The following COL22A1 variants were observed in gnomAD, a reference collection of about 807,000 sequenced individuals.
COL22A1 encodes the protein collagen alpha-1(XXII) chain.
A neutral mutation model predicts 248.9 loss-of-function variants in COL22A1; 221 were observed. The ratio of observed to expected loss-of-function variants is 0.89; its 90% CI spans 0.80 to 0.99. The LOEUF is 0.99. COL22A1 is among the 50% of genes least tolerant of loss of function. The pLI is 0.00. For synonymous variants in COL22A1, 891 were observed against 793.4 expected, an observed-to-expected ratio of 1.12 and a Z score of -2.07; for missense variants, 2,240 against 2,179.0, an observed-to-expected ratio of 1.03 and a Z score of -0.56.
intron 17 of COL22A1, among the ~76,000 whole-genome samples, chr8:138,760,834 C>T (rs1833420038): frequency 6.6e-6 from 1 of 152,156 alleles, no homozygotes; most frequent in South Asian, 2.1e-4. Context: ...AAGCTTTCCA[C>T]CAGCGGCCAA....
chr8:138,861,028 T>C (rs1307053596), intron 3 of COL22A1, among the ~76,000 whole-genome samples: 1 of 152,110 alleles, frequency 6.6e-6, no homozygotes, highest in Admixed American at 6.6e-5. Flanking sequence ...TCCCCAGATT[T>C]GCTCAGCTCC....
rs773956039 is a variant in COL22A1, at chr8:138,700,195, G to GA, written c.2560-52_2560-51insT. On this transcript the variant is annotated intron_variant, in intron 31 of 64. Transcript: ENST00000303045. ...AAAGATGGGCATCAAGGAACCCAGTGTTTCATTTTTAAAACCTGCCTTGGA... is the reference window on the plus strand; with the variant it reads ...AAAGATGGGCATCAAGGAACCCAGTGATTTCATTTTTAAAACCTGCCTTGGA... The GA allele has an allele frequency of 6.3e-6, 10 of 1,586,208 alleles. No homozygotes were observed. The Admixed American group carries it at 6.8e-5, about 11-fold the overall frequency.
chr8:138,901,369 G>GTTTTT (rs1396582556), intron 1 of COL22A1, among the ~76,000 whole-genome samples: 2,406 of 118,660 alleles, frequency 0.02, 112 homozygotes, highest in Admixed American at 0.046. Context: ...TTTTTTTTTT[G>GTTTTT]TTTTTTTTTT....
At chr8:138,801,795 G>A (rs143523310) in intron 11 of COL22A1, among the ~76,000 whole-genome samples, 52 of 152,208 alleles carry the variant, frequency 3.4e-4, no homozygotes, top group African/African-American at 1.1e-3. Context: ...CAGGAGAAGC[G>A]CTTGAACTTG....
intron 60 of COL22A1, 122 bp from the exon 61 acceptor site, chr8:138,599,020 G>A: frequency 2.0e-6 from 2 of 988,518 alleles, no homozygotes; most frequent in Non-Finnish European, 3.1e-6. Context: ...TTGGCCCTGG[G>A]TGGCCCATGT....
intron 25 of COL22A1, among the ~76,000 whole-genome samples, chr8:138,723,454 G>A (rs1358228110): frequency 6.6e-6 from 1 of 152,176 alleles, no homozygotes; most frequent in Non-Finnish European, 1.5e-5. Context: ...ACCTTCTGTG[G>A]CTACAGCTGC....
At chr8:138,634,572 A>G (rs1386923180) in intron 49 of COL22A1, among the ~76,000 whole-genome samples, 1 of 152,208 alleles carries the variant, frequency 6.6e-6, no homozygotes, top group African/African-American at 2.4e-5. Context: ...CTACTGTAAA[A>G]GCAGAGAGAA....
At chr8:138,844,914 C>T (rs1177664848) in intron 3 of COL22A1, among the ~76,000 whole-genome samples, 1 of 143,600 alleles carries the variant, frequency 7.0e-6, no homozygotes, top group African/African-American at 2.6e-5. Context: ...CACGTGGCTG[C>T]ACTCCAGCCA....
chr8:138,606,718 A>T (rs187953983), intron 57 of COL22A1, among the ~76,000 whole-genome samples: 1 of 152,294 alleles, frequency 6.6e-6, no homozygotes, highest in East Asian at 1.9e-4. Flanking sequence ...AAACTGAGAC[A>T]GATATTTAAC....
chr8:138,785,815 C>G (rs1045888514), intron 12 of COL22A1, among the ~76,000 whole-genome samples: 2 of 152,216 alleles, frequency 1.3e-5, no homozygotes, highest in African/African-American at 4.8e-5. Flanking sequence ...AGGACTTAAG[C>G]ACCTCTGCAT....
intron 11 of COL22A1, among the ~76,000 whole-genome samples, chr8:138,799,786 T>G (rs1816847675): frequency 6.6e-6 from 1 of 152,214 alleles, no homozygotes; most frequent in African/African-American, 2.4e-5. Flanking sequence ...TCAAACTGAA[T>G]CAGGTCCCCT....
chr8:138,733,413 G>A (rs987208916), intron 23 of COL22A1, among the ~76,000 whole-genome samples: 2 of 152,232 alleles, frequency 1.3e-5, no homozygotes, highest in South Asian at 4.1e-4. Flanking sequence ...AGATGGCAGT[G>A]CTGGCTCTTC....
chr8:138,727,163 G>A (rs1303117056), intron 23 of COL22A1, among the ~76,000 whole-genome samples: 3 of 152,104 alleles, frequency 2.0e-5, no homozygotes, highest in African/African-American at 7.2e-5. Context: ...TCTTCCAAGC[G>A]AGTTCACCAC....
In COL22A1 at chr8:138,778,100, G is replaced by A. The variant is rs567417447; in HGVS notation, c.1758+253C>T. 5.4e-6 allele frequency: 3 copies of A among 556,506 alleles called. No individual in the cohort carries two copies. The African/African-American group carries it at 5.7e-5, about 11-fold the overall frequency. The allele number at this position is 556,506 out of a possible 1,614,324, so 34.5% of individuals were successfully genotyped here. Reference sequence around the variant, plus strand: ...GTGCTGGTTAAAAATGCAGATTCCTGGGATCTACCCTGCTTCTTGATGTGA... The same window carrying A: ...GTGCTGGTTAAAAATGCAGATTCCTAGGATCTACCCTGCTTCTTGATGTGA... On this transcript the variant is annotated intron_variant, in intron 15 of 64. Coordinates refer to ENST00000303045, the MANE Select transcript of COL22A1 (RefSeq NM_152888.3).
At chr8:138,628,302 A>G (rs1820414627) in intron 50 of COL22A1, among the ~76,000 whole-genome samples, 1 of 150,618 alleles carries the variant, frequency 6.6e-6, no homozygotes, top group Admixed American at 6.6e-5. Context: ...AATTACTTCT[A>G]TTGGCTGGGC....
Position 138,751,451 on chromosome 8 carries a change from T to C in COL22A1, c.2085+7A>G, listed in dbSNP as rs1586650331. 3 of 1,606,592 alleles carry C rather than the reference T, an allele frequency of 1.9e-6. No homozygotes were observed. ...GAGGAATCACAAAGAAAAGAGAGTT[T>C]ACTTACTCGGAGACCTTGCAAACCA... On this transcript the variant is annotated splice_region_variant and intron_variant, in intron 22 of 64. Coordinates refer to ENST00000303045, the MANE Select transcript of COL22A1 (RefSeq NM_152888.3).
In COL22A1 at chr8:138,589,288, G is replaced by T; in HGVS notation, c.4846C>A (p.Leu1616Ile). ...TTCACATTACCCGGCCGGGCAGCAA[G>T]GCTGGCGAAGTAGGCACACTGGGAA... Reference protein sequence around the residue: ...DPSQCAYFASLAARPGNVKGP With the variant: ...DPSQCAYFASIAARPGNVKGP The change falls in exon 65 of 65, where the codon CTT (leucine) becomes ATT (isoleucine). Residue 1616 changes from leucine (L) to isoleucine (I), a missense_variant. Physicochemically the swap from Leu to Ile is conservative, Grantham distance 5. Transcript: ENST00000303045. The T allele has an allele frequency of 6.2e-7, 1 of 1,613,924 alleles. No homozygotes were observed.
At chr8:138,776,212 C>G (rs541364039) in intron 15 of COL22A1, among the ~76,000 whole-genome samples, 1 of 152,278 alleles carries the variant, frequency 6.6e-6, no homozygotes. Context: ...CAGAGGCAGG[C>G]CACTTCCAGA....
At position 138,875,628 on chromosome 8, in the gene COL22A1, C is replaced by T. The variant is rs572142955; in HGVS notation, c.658+2122G>A. 9.2e-5 allele frequency among the ~76,000 whole-genome samples: 14 copies of T among 152,156 alleles called. No homozygotes were observed. In the South Asian group the frequency reaches 1.9e-3, roughly 20 times the overall value. On this transcript the variant is annotated intron_variant, in intron 3 of 64. Transcript: ENST00000303045. Reference sequence around the variant, plus strand: ...TTATCTGTGCAGATTTCTGATTGATCCAGTGTGCACCTGGATCAATCCCAT... The same window carrying T: ...TTATCTGTGCAGATTTCTGATTGATTCAGTGTGCACCTGGATCAATCCCAT...
Sources: allele counts gnomAD v4.1 joint callset (sites outside exome capture counted in the v4.1 genomes callset), GRCh38; gene constraint gnomAD v4.1.1; transcripts MANE v1.5; gene names NCBI Gene and HGNC (gene_info 2026-07-23, HGNC 2026-07-21).